ZNF536: variants seen among roughly 807,000 people sequenced by gnomAD.
ZNF536 encodes the protein zinc finger protein 536.
A neutral mutation model predicts 84.5 loss-of-function variants in ZNF536; 13 were observed. The observed-to-expected ratio is 0.15, with a 90% CI of 0.10 to 0.24. The LOEUF (loss-of-function observed/expected upper bound fraction) is 0.24, where lower values mean the gene tolerates loss of function less well. ZNF536 is among the 10% of genes least tolerant of loss of function. The pLI, the probability that ZNF536 is intolerant of heterozygous loss-of-function variation, is 1.00. For missense variants in ZNF536, 1,536 were observed against 1,747.5 expected (o/e 0.88, Z 2.16); for synonymous variants, 811 against 742.5 (o/e 1.09, Z -1.50).
intron 2 of ZNF536, among the ~76,000 whole-genome samples, chr19:30,531,873 C>A (rs185073562): frequency 6.4e-4 from 98 of 152,090 alleles, no homozygotes; most frequent in Non-Finnish European, 2.9e-4. Context: ...GATCTACCCA[C>A]CTCGGTGTCC....
intron 1 of ZNF536, among the ~76,000 whole-genome samples, chr19:30,231,493 C>G (rs2144650691): frequency 6.6e-6 from 1 of 152,294 alleles, no homozygotes; most frequent in Non-Finnish European, 1.5e-5. Context: ...AGGGCAGGGT[C>G]TGGGCTGAGG....
chr19:30,247,383 G>C (rs1440381885), intron 1 of ZNF536, among the ~76,000 whole-genome samples: 4 of 152,200 alleles, frequency 2.6e-5, no homozygotes, highest in Non-Finnish European at 5.9e-5. Flanking sequence ...AATCATTAGG[G>C]ATGCTTGTCA....
intron 1 of ZNF536, among the ~76,000 whole-genome samples, chr19:30,605,437 A>G (rs1470561692): frequency 1.3e-5 from 2 of 152,112 alleles, no homozygotes; most frequent in African/African-American, 2.4e-5. Context: ...AACATACAGT[A>G]TTTGGTTTTC....
At chr19:30,509,050 G>A (rs977143243) in intron 2 of ZNF536, among the ~76,000 whole-genome samples, 1 of 150,332 alleles carries the variant, frequency 6.7e-6, no homozygotes, top group Admixed American at 6.6e-5. Flanking sequence ...GCCCATGCTG[G>A]TCTGGGGCTC....
intron 3 of ZNF536, among the ~76,000 whole-genome samples, chr19:30,354,495 C>T (rs150908365): frequency 4.4e-4 from 67 of 152,198 alleles, no homozygotes; most frequent in African/African-American, 1.5e-3. Context: ...GGCGTCCCAA[C>T]GTATTGGAAT....
chr19:30,657,349 G>C (rs2049951211), intron 1 of ZNF536, among the ~76,000 whole-genome samples: 2 of 152,188 alleles, frequency 1.3e-5, no homozygotes, highest in African/African-American at 4.8e-5. Flanking sequence ...TACAGACTTG[G>C]AGAGTCCACA....
chr19:30,289,522 C>G (rs2045761829), intron 2 of ZNF536, among the ~76,000 whole-genome samples: 1 of 152,236 alleles, frequency 6.6e-6, no homozygotes, highest in South Asian at 2.1e-4. Context: ...CTTTCCTGCA[C>G]ATGTGCACAG....
At chr19:30,227,628 G>A (rs2022687802), upstream of ZNF536, among the ~76,000 whole-genome samples, 1 of 152,114 alleles carries the variant, frequency 6.6e-6, no homozygotes, top group Middle Eastern at 3.4e-3. Context: ...TGGGTCGTGT[G>A]CGCGGGTGGG....
At chr19:30,485,395 A>G (rs970289595) in intron 2 of ZNF536, among the ~76,000 whole-genome samples, 1 of 152,114 alleles carries the variant, frequency 6.6e-6, no homozygotes, top group Non-Finnish European at 1.5e-5. Context: ...ACCACAATCA[A>G]TTTTAGAACA....
In ZNF536 at chr19:30,431,723, T is replaced by C. The variant is rs529589464; in HGVS notation, c.-2-11838T>C. The stretch of plus-strand genomic sequence containing the variant: ...GAGCAGGGAGGTGTAGCCTGATGTC[T>C]ATTCCCTGGCTGCTGCTGCCCCAGG... On this transcript the variant is annotated intron_variant, in intron 1 of 4. Transcript: ENST00000355537. 4.6e-5 allele frequency among the ~76,000 whole-genome samples: 7 copies of C among 152,294 alleles called. No homozygotes were observed. The East Asian group carries it at 1.4e-3, about 30-fold the overall frequency.
At chr19:30,343,279 C>T (rs1050385067) in intron 2 of ZNF536, among the ~76,000 whole-genome samples, 1 of 152,204 alleles carries the variant, frequency 6.6e-6, no homozygotes, top group African/African-American at 2.4e-5. Flanking sequence ...GTGCCAGAGA[C>T]TCAACATTGC....
At chr19:30,383,719 C>A (rs1214181052) in intron 1 of ZNF536, among the ~76,000 whole-genome samples, 1 of 35,380 alleles carries the variant, frequency 2.8e-5, no homozygotes, top group African/African-American at 1.0e-4. Flanking sequence ...TTCTTTCTTT[C>A]TTTCTTTCTT....
At chr19:30,571,295 C>A (rs985972201) in intron 1 of ZNF536, among the ~76,000 whole-genome samples, 3 of 152,028 alleles carry the variant, frequency 2.0e-5, no homozygotes, top group Non-Finnish European at 4.4e-5. Context: ...GTCTTTGAGG[C>A]TTGAGAGGGG....
chr19:30,389,377 G>A (rs2049484426), intron 1 of ZNF536, among the ~76,000 whole-genome samples: 1 of 152,024 alleles, frequency 6.6e-6, no homozygotes, highest in African/African-American at 2.4e-5. Flanking sequence ...ACCATAGATG[G>A]GACCTTGCCT....
intron 1 of ZNF536, among the ~76,000 whole-genome samples, chr19:30,623,215 C>G (rs745974535): frequency 6.6e-6 from 1 of 152,104 alleles, no homozygotes; most frequent in Non-Finnish European, 1.5e-5. Flanking sequence ...TTTGCCATCT[C>G]CTTATCCACC....
intron 1 of ZNF536, among the ~76,000 whole-genome samples, chr19:30,397,309 A>G (rs1020485954): frequency 6.6e-6 from 1 of 152,160 alleles, no homozygotes; most frequent in Non-Finnish European, 1.5e-5. Flanking sequence ...TCTTTTGTTC[A>G]TTTTGTCAAA....
chr19:30,688,360 C>A (rs1044615768), intron 1 of ZNF536, among the ~76,000 whole-genome samples: 1 of 152,132 alleles, frequency 6.6e-6, no homozygotes, highest in Admixed American at 6.5e-5. Flanking sequence ...TTCTGAGTGT[C>A]AAGGGACTTT....
At chr19:30,236,368 G>T (rs2023506411) in intron 1 of ZNF536, among the ~76,000 whole-genome samples, 1 of 152,204 alleles carries the variant, frequency 6.6e-6, no homozygotes, top group South Asian at 2.1e-4. Flanking sequence ...TCTTTTTAGA[G>T]ATCATTGGTT....
chr19:30,549,615 G>A (rs1055121037), intron 4 of ZNF536, 101 bp downstream of exon 4: 1 of 1,332,662 alleles, frequency 7.5e-7, no homozygotes, highest in Non-Finnish European at 9.9e-7. Flanking sequence ...AGCAACTTTT[G>A]AATGAAATAT....
Sources: gnomAD v4.1 joint callset for allele counts (sites outside exome capture counted in the v4.1 genomes callset) on GRCh38, gnomAD v4.1.1 for gene constraint, MANE v1.5 for transcripts, NCBI Gene and HGNC (gene_info 2026-07-23, HGNC 2026-07-21) for gene names.